Variants in CSNK2A2IP observed in about 807,000 individuals in gnomAD.
CSNK2A2IP encodes casein kinase II subunit alpha'-interacting protein.
chr3:88,443,593 T>C, the CSNK2A2IP span, among the ~76,000 whole-genome samples: 1 of 152,126 alleles, frequency 6.6e-6, no homozygotes, highest in African/African-American at 2.4e-5. Flanking sequence ...AAACAGAAAT[T>C]AGATGGCCTT....
At chr3:88,340,499 G>C in the CSNK2A2IP span, among the ~76,000 whole-genome samples, 1 of 151,880 alleles carries the variant, frequency 6.6e-6, no homozygotes, top group Non-Finnish European at 1.5e-5. Flanking sequence ...CAGAAACTGC[G>C]TATTCTTTAG....
At chr3:88,451,506 T>C in the CSNK2A2IP span, among the ~76,000 whole-genome samples, 4 of 151,882 alleles carry the variant, frequency 2.6e-5, no homozygotes, top group Non-Finnish European at 5.9e-5. Flanking sequence ...AAGACAGCAA[T>C]GAACTCAATA....
the CSNK2A2IP span, among the ~76,000 whole-genome samples, chr3:88,360,327 G>A: frequency 6.6e-6 from 1 of 151,806 alleles, no homozygotes; most frequent in Non-Finnish European, 1.5e-5. Context: ...TAGAGACGGG[G>A]TTTCACCGTG....
At chr3:88,366,418 T>G in the CSNK2A2IP span, among the ~76,000 whole-genome samples, 1 of 152,078 alleles carries the variant, frequency 6.6e-6, no homozygotes, top group Non-Finnish European at 1.5e-5. Flanking sequence ...ATAAAGCAAA[T>G]TATGAGAGAA....
chr3:88,367,316 T>C, the CSNK2A2IP span, among the ~76,000 whole-genome samples: 1 of 152,000 alleles, frequency 6.6e-6, no homozygotes, highest in East Asian at 1.9e-4. Context: ...CAATCCTTAA[T>C]TATGTATGAG....
chr3:88,389,637 C>T, the CSNK2A2IP span, among the ~76,000 whole-genome samples: 1 of 152,142 alleles, frequency 6.6e-6, no homozygotes, highest in East Asian at 1.9e-4. Context: ...GCAAGGAGTA[C>T]AGTTGGCATA....
the CSNK2A2IP span, among the ~76,000 whole-genome samples, chr3:88,370,378 G>C: frequency 6.6e-6 from 1 of 151,872 alleles, no homozygotes; most frequent in Non-Finnish European, 1.5e-5. Flanking sequence ...TCAAAGGTTG[G>C]ACTAGCAGTG....
chr3:88,387,785 G>T, the CSNK2A2IP span, among the ~76,000 whole-genome samples: 1 of 152,156 alleles, frequency 6.6e-6, no homozygotes, highest in Non-Finnish European at 1.5e-5. Context: ...GAGTGCAGCG[G>T]CATGATCACA....
At chr3:88,430,700 G>A in the CSNK2A2IP span, among the ~76,000 whole-genome samples, 1 of 152,012 alleles carries the variant, frequency 6.6e-6, no homozygotes, top group Admixed American at 6.6e-5. Context: ...TAAATTTTCA[G>A]ATTTTTAGAA....
chr3:88,375,255 T>C, the CSNK2A2IP span, among the ~76,000 whole-genome samples: 1 of 151,750 alleles, frequency 6.6e-6, no homozygotes, highest in East Asian at 1.9e-4. Context: ...TTTACCATCC[T>C]TTTTTGAACA....
the CSNK2A2IP span, among the ~76,000 whole-genome samples, chr3:88,396,533 G>C: frequency 6.6e-6 from 1 of 152,200 alleles, no homozygotes; most frequent in Non-Finnish European, 1.5e-5. Flanking sequence ...GGTTAGCGAG[G>C]AGTGAAGCAC....
the CSNK2A2IP span, among the ~76,000 whole-genome samples, chr3:88,367,743 T>C: frequency 6.6e-6 from 1 of 152,066 alleles, no homozygotes; most frequent in Non-Finnish European, 1.5e-5. Context: ...TGAACAGAAC[T>C]CCTGTGTTAT....
At chr3:88,361,747 A>G in the CSNK2A2IP span, among the ~76,000 whole-genome samples, 1 of 152,060 alleles carries the variant, frequency 6.6e-6, no homozygotes, top group African/African-American at 2.4e-5. Context: ...TGTTAGGCCA[A>G]TAATTTTTAC....
chr3:88,457,113 G>A, the CSNK2A2IP span, among the ~76,000 whole-genome samples: 4 of 152,022 alleles, frequency 2.6e-5, no homozygotes, highest in South Asian at 2.1e-4. Flanking sequence ...TTTACTGAGC[G>A]AGGATTCAAT....
chr3:88,428,503 A>T, the CSNK2A2IP span, among the ~76,000 whole-genome samples: 3 of 152,154 alleles, frequency 2.0e-5, no homozygotes, highest in Non-Finnish European at 4.4e-5. Context: ...CTTACCTTGA[A>T]TTGTAGTTCC....
chr3:88,429,993 C>G, the CSNK2A2IP span, among the ~76,000 whole-genome samples: 2 of 151,710 alleles, frequency 1.3e-5, no homozygotes, highest in African/African-American at 4.8e-5. Flanking sequence ...GATCTCCTGA[C>G]CTCGTGATCC....
chr3:88,446,246 G>T, the CSNK2A2IP span, among the ~76,000 whole-genome samples: 5 of 151,496 alleles, frequency 3.3e-5, no homozygotes, highest in African/African-American at 1.2e-4. Flanking sequence ...ATGCCACTAC[G>T]CCCAGCTAAT....
At chr3:88,383,395 T>C in the CSNK2A2IP span, among the ~76,000 whole-genome samples, 1 of 152,168 alleles carries the variant, frequency 6.6e-6, no homozygotes, top group Non-Finnish European at 1.5e-5. Context: ...AAAATGATGA[T>C]GACAATGCAC....
the CSNK2A2IP span, among the ~76,000 whole-genome samples, chr3:88,375,084 C>T: frequency 6.2e-3 from 941 of 151,806 alleles, 8 homozygotes; most frequent in African/African-American, 0.022. Context: ...TCATAATTCT[C>T]TATTCTAGTA....
Sources: gnomAD v4.1 joint callset for allele counts (sites outside exome capture counted in the v4.1 genomes callset) on GRCh38, gnomAD v4.1.1 for gene constraint, MANE v1.5 for transcripts, NCBI Gene and HGNC (gene_info 2026-07-23, HGNC 2026-07-21) for gene names.